KRAS: variants seen among roughly 807,000 people sequenced by gnomAD.
KRAS encodes the protein GTPase KRas.
A neutral mutation model predicts 21.0 loss-of-function variants in KRAS; 1 was observed. The observed-to-expected ratio is 0.05, with a 90% CI of 0.02 to 0.23. The LOEUF (loss-of-function observed/expected upper bound fraction) is 0.23, where lower values mean the gene tolerates loss of function less well. Ranked by LOEUF, KRAS falls within the 10% of genes least tolerant of loss-of-function variation. The pLI, the probability that KRAS is intolerant of heterozygous loss-of-function variation, is 1.00. For missense variants in KRAS, 107 were observed against 221.8 expected (o/e 0.48, Z 3.29); for synonymous variants, 67 against 72.5 (o/e 0.92, Z 0.39).
chr12:25,249,323 G>A (rs978184017), intron 1 of KRAS, among the ~76,000 whole-genome samples: 1 of 152,110 alleles, frequency 6.6e-6, no homozygotes, highest in Non-Finnish European at 1.5e-5. Context: ...CTTGAATGCA[G>A]GAGGCAGAGG....
intron 2 of KRAS, among the ~76,000 whole-genome samples, chr12:25,229,464 CCT>C (rs1951437433): frequency 6.6e-6 from 1 of 152,134 alleles, no homozygotes; most frequent in African/African-American, 2.4e-5. Flanking sequence ...TCCTGAGGGG[CCT>C]CTTTTTTCTT....
intron 2 of KRAS, among the ~76,000 whole-genome samples, chr12:25,229,227 G>A (rs1951434661): frequency 6.6e-6 from 1 of 152,102 alleles, no homozygotes; most frequent in Admixed American, 6.6e-5. Context: ...TTTCAAAAAT[G>A]GGATAGCTCT....
At position 25,209,224 on chromosome 12, in the gene KRAS, C is replaced by G; in HGVS notation, c.*571G>C. 1.5e-6 allele frequency: 1 copy of G among 680,162 alleles called. No homozygotes were observed. Among genetic ancestry groups the G allele is most frequent in the Middle Eastern group, 2.7e-4 (1 of 3,730 alleles). The allele number at this position is 680,162 out of a possible 1,614,324, so 42.1% of individuals were successfully genotyped here. A position where few individuals can be genotyped will look rare whatever the true frequency, so the allele number is the denominator to read the frequency against. On this transcript the variant is annotated 3_prime_UTR_variant, in exon 5 of 5. Transcript: ENST00000311936. ...AATATAATATTTTGGGGAGAGTGAC[C>G]ATGACTAATAGCAGTGGAAAGGAGA...
At position 25,246,342 on chromosome 12, in the gene KRAS, G is replaced by A. The variant is rs559042687; in HGVS notation, c.-11-947C>T. ...AGAGGCCAAGGCGGGTGGATCACCT[G>A]AGGCCAGGAGTTCAAGACCAGCCTG... On this transcript the variant is annotated intron_variant, in intron 1 of 4. Transcript: ENST00000311936. Among the ~76,000 whole-genome samples the A allele has an allele frequency of 1.2e-4, 18 of 152,252 alleles. 1 individual carries two copies. The South Asian group carries it at 3.7e-3, about 32-fold the overall frequency.
intron 1 of KRAS, 117 bp from the exon 2 acceptor site, chr12:25,245,512 T>C: frequency 9.3e-7 from 1 of 1,076,080 alleles, no homozygotes; most frequent in East Asian, 2.6e-5. Flanking sequence ...ATATGAAAAA[T>C]TATTTCAAAA....
chr12:25,232,294 T>C (rs1348408003), intron 2 of KRAS, among the ~76,000 whole-genome samples: 2 of 152,148 alleles, frequency 1.3e-5, no homozygotes, highest in African/African-American at 2.4e-5. Context: ...AATAGTTAAA[T>C]AGCTGTTTAA....
At chr12:25,241,370 T>A (rs1256207211) in intron 2 of KRAS, among the ~76,000 whole-genome samples, 1 of 152,180 alleles carries the variant, frequency 6.6e-6, no homozygotes, top group Non-Finnish European at 1.5e-5. Flanking sequence ...ATTTGACCAG[T>A]AGAGGGCACT....
At chr12:25,209,934 A>C in intron 4 of KRAS, 23 bp from the exon 5 acceptor site, 2 of 1,571,238 alleles carry the variant, frequency 1.3e-6, no homozygotes, top group Non-Finnish European at 1.7e-6. Context: ...AAAAGTATTA[A>C]AATGTGAATA....
At chr12:25,218,285 A>C (rs1003217955) in intron 4 of KRAS, among the ~76,000 whole-genome samples, 12 of 152,060 alleles carry the variant, frequency 7.9e-5, no homozygotes, top group African/African-American at 2.7e-4. Context: ...TATGAAGGAG[A>C]AAAACAGTAT....
chr12:25,235,954 C>T (rs374794246), intron 2 of KRAS, among the ~76,000 whole-genome samples: 3 of 152,240 alleles, frequency 2.0e-5, no homozygotes, highest in Non-Finnish European at 2.9e-5. Flanking sequence ...ACACGGTTCA[C>T]GCTCCTATTA....
intron 2 of KRAS, among the ~76,000 whole-genome samples, chr12:25,231,463 T>A (rs1273664056): frequency 6.6e-6 from 1 of 152,084 alleles, no homozygotes; most frequent in Non-Finnish European, 1.5e-5. Flanking sequence ...TACTTCTAGG[T>A]CCTAAGCATT....
At chr12:25,220,706 A>G (rs1951310090) in intron 4 of KRAS, among the ~76,000 whole-genome samples, 2 of 142,888 alleles carry the variant, frequency 1.4e-5, no homozygotes, top group Admixed American at 1.4e-4. Context: ...CAGCCTGGCA[A>G]CAGTGAGACC....
chr12:25,212,637 A>G (rs547043238), intron 4 of KRAS, among the ~76,000 whole-genome samples: 1 of 152,222 alleles, frequency 6.6e-6, no homozygotes, highest in Non-Finnish European at 1.5e-5. Context: ...TACACAGAGC[A>G]ATGAATTCTT....
At chr12:25,231,071 C>A (rs1951461931) in intron 2 of KRAS, among the ~76,000 whole-genome samples, 1 of 150,048 alleles carries the variant, frequency 6.7e-6, no homozygotes, top group South Asian at 2.1e-4. Context: ...CTCTTCCTAC[C>A]TATTGCTGCC....
Position 25,233,322 on chromosome 12 carries a change from A to G in KRAS, c.112-5910T>C, listed in dbSNP as rs1374485291. On this transcript the variant is annotated intron_variant, in intron 2 of 4. Transcript: ENST00000311936. ...TCCCAACACCTTGGGAGGCCGAGAC[A>G]GGTGGATCACCTGAGGTCAAGAGTT... 7.2e-5 allele frequency among the ~76,000 whole-genome samples: 11 copies of G among 152,278 alleles called. 2 individuals carry two copies. Among genetic ancestry groups the G allele is most frequent in the Admixed American group, 7.2e-4 (11 of 15,296 alleles).
chr12:25,223,979 C>T (rs1035449742), intron 4 of KRAS, among the ~76,000 whole-genome samples: 3 of 151,920 alleles, frequency 2.0e-5, no homozygotes, highest in Non-Finnish European at 4.4e-5. Context: ...CAGGAGATTG[C>T]ATATGTGATA....
rs569529455 is a variant in KRAS at position 25,240,790 on chromosome 12, A to G, written c.111+4484T>C. ...ATTTATAAAAACCCAAGGTAGAAAA[A>G]AACCATGACCAGTAAAGTTTTATAT... On this transcript the variant is annotated intron_variant, in intron 2 of 4. Coordinates refer to ENST00000311936, the MANE Select transcript of KRAS (RefSeq NM_004985.5). 3.9e-5 allele frequency among the ~76,000 whole-genome samples: 6 copies of G among 152,322 alleles called. No homozygotes were observed. The South Asian group carries it at 1.2e-3, about 32-fold the overall frequency.
At chr12:25,230,234 T>C (rs890681685) in intron 2 of KRAS, among the ~76,000 whole-genome samples, 16 of 151,946 alleles carry the variant, frequency 1.1e-4, no homozygotes, top group Non-Finnish European at 2.1e-4. Flanking sequence ...CACAATAATA[T>C]GTGTTTATGT....
At chr12:25,220,298 ATAAT>A (rs1390422126) in intron 4 of KRAS, among the ~76,000 whole-genome samples, 1 of 152,244 alleles carries the variant, frequency 6.6e-6, no homozygotes, top group African/African-American at 2.4e-5. Flanking sequence ...CTAGCAGAAA[ATAAT>A]TCTATTTGCC....
Sources: gnomAD v4.1 joint callset for allele counts (sites outside exome capture counted in the v4.1 genomes callset) on GRCh38, gnomAD v4.1.1 for gene constraint, MANE v1.5 for transcripts, NCBI Gene and HGNC (gene_info 2026-07-23, HGNC 2026-07-21) for gene names.